The following FRY variants were observed in gnomAD, a reference collection of about 807,000 sequenced individuals.
FRY encodes FRY microtubule binding protein, also known as protein furry homolog.
Under a neutral mutation model 348.4 loss-of-function variants are expected in FRY, and 128 were observed. The ratio of observed to expected loss-of-function variants is 0.37; its 90% CI spans 0.32 to 0.43. The LOEUF is 0.43. FRY is among the 20% of genes least tolerant of loss of function. The pLI is 1.00. For missense variants in FRY, 2,736 were observed against 3,695.2 expected, an observed-to-expected ratio of 0.74 and a Z score of 6.73; for synonymous variants, 1,370 against 1,374.7, an observed-to-expected ratio of 1.00 and a Z score of 0.08.
chr13:32,112,059 G>T (rs888432089), intron 3 of FRY, among the ~76,000 whole-genome samples: 1 of 152,204 alleles, frequency 6.6e-6, no homozygotes, highest in Non-Finnish European at 1.5e-5. Flanking sequence ...AAACTAAGTT[G>T]CAAGGGTTCT....
chr13:32,254,046 G>A (rs1008063887), intron 50 of FRY, 178 bp from the exon 51 acceptor site: 13 of 650,072 alleles, frequency 2.0e-5, no homozygotes, highest in Admixed American at 5.3e-5. Flanking sequence ...TCTTTGCCAC[G>A]AGTTTAATCT....
At chr13:32,097,362 C>A (rs1404550134) in intron 2 of FRY, among the ~76,000 whole-genome samples, 1 of 126,494 alleles carries the variant, frequency 7.9e-6, no homozygotes, top group African/African-American at 3.0e-5. Context: ...CCTTTTTTTC[C>A]TTTTTTTTTT....
intron 13 of FRY, among the ~76,000 whole-genome samples, chr13:32,149,155 A>G (rs1880644047): frequency 6.7e-6 from 1 of 148,566 alleles, no homozygotes; most frequent in Non-Finnish European, 1.5e-5. Context: ...ATATTTTTAC[A>G]TATATTAATT....
chr13:32,184,201 A>T (rs1455353896), intron 24 of FRY, among the ~76,000 whole-genome samples: 1 of 152,202 alleles, frequency 6.6e-6, no homozygotes, highest in Non-Finnish European at 1.5e-5. Context: ...ATAAAATGTA[A>T]AAATAAAGAA....
At chr13:32,254,823 A>G (rs1405255451) in intron 51 of FRY, among the ~76,000 whole-genome samples, 1 of 152,234 alleles carries the variant, frequency 6.6e-6, no homozygotes, top group Non-Finnish European at 1.5e-5. Context: ...CTGCTACAAC[A>G]TGAGACCAGA....
chr13:32,290,252 A>G (rs571572015), intron 59 of FRY, among the ~76,000 whole-genome samples: 1 of 152,304 alleles, frequency 6.6e-6, no homozygotes, highest in Admixed American at 6.5e-5. Flanking sequence ...CTGCTGAGTG[A>G]GCCAAAATTT....
chr13:32,045,361 A>G (rs1015572244), intron 1 of FRY, among the ~76,000 whole-genome samples: 3 of 151,898 alleles, frequency 2.0e-5, no homozygotes, highest in South Asian at 2.1e-4. Context: ...GGTCTGCATC[A>G]CCTCCCATCT....
At chr13:32,101,752 AT>A (rs1283851129) in intron 2 of FRY, among the ~76,000 whole-genome samples, 1 of 152,178 alleles carries the variant, frequency 6.6e-6, no homozygotes, top group African/African-American at 2.4e-5. Flanking sequence ...ATGTATTAAG[AT>A]GAATAGCAAG....
At position 32,162,017 on chromosome 13, in the gene FRY, G is replaced by A. The variant is rs547923049; in HGVS notation, c.1892+766G>A. Among the ~76,000 whole-genome samples the A allele has an allele frequency of 8.5e-5, 13 of 152,252 alleles. No individual in the cohort carries two copies. The South Asian group carries it at 2.1e-3, about 24-fold the overall frequency. ...GAAAGCAAAATTATTAGACACGTGG[G>A]ATGTGTGGAATGAGGAAGAACAAAA... On this transcript the variant is annotated intron_variant, in intron 17 of 60. Transcript: ENST00000542859.
At chr13:32,102,824 A>T (rs1477448044) in intron 3 of FRY, among the ~76,000 whole-genome samples, 2 of 152,196 alleles carry the variant, frequency 1.3e-5, no homozygotes, top group East Asian at 3.9e-4. Flanking sequence ...GTTAATGACA[A>T]AAAGGACATT....
At chr13:32,225,061 C>A in intron 38 of FRY, 25 bp downstream of exon 38, 1 of 1,288,384 alleles carries the variant, frequency 7.8e-7, no homozygotes, top group Non-Finnish European at 1.1e-6. Flanking sequence ...AAAAGGCATT[C>A]TAGCCAATCG....
intron 60 of FRY, 109 bp downstream of exon 60, chr13:32,294,679 C>G: frequency 1.2e-6 from 1 of 827,394 alleles, no homozygotes; most frequent in African/African-American, 1.7e-5. Flanking sequence ...TTTTACAGAT[C>G]TCTTCTCAGA....
chr13:32,034,631 C>T (rs915478375), intron 1 of FRY, among the ~76,000 whole-genome samples: 18 of 152,206 alleles, frequency 1.2e-4, no homozygotes, highest in African/African-American at 4.3e-4. Context: ...CCTTGTTAAT[C>T]ATGGCCACAG....
At chr13:32,292,698 A>T (rs1000141237) in intron 59 of FRY, among the ~76,000 whole-genome samples, 3 of 152,012 alleles carry the variant, frequency 2.0e-5, no homozygotes, top group African/African-American at 7.2e-5. Flanking sequence ...AGGCTGAGGT[A>T]AGGGAATCAC....
At chr13:32,075,594 C>T (rs1048331519) in intron 1 of FRY, among the ~76,000 whole-genome samples, 1 of 152,162 alleles carries the variant, frequency 6.6e-6, no homozygotes, top group African/African-American at 2.4e-5. Flanking sequence ...CTAGTGTGGA[C>T]TTTGTGACTC....
intron 29 of FRY, among the ~76,000 whole-genome samples, chr13:32,200,937 C>A (rs1450089964): frequency 1.3e-5 from 2 of 152,086 alleles, no homozygotes; most frequent in Non-Finnish European, 2.9e-5. Flanking sequence ...CTTGTAATAG[C>A]TTCCACTCTT....
intron 51 of FRY, among the ~76,000 whole-genome samples, chr13:32,260,868 C>T (rs939068928): frequency 1.3e-5 from 2 of 152,094 alleles, no homozygotes; most frequent in East Asian, 3.8e-4. Context: ...TGGTGGCTCA[C>T]GCCTGTAATC....
intron 58 of FRY, among the ~76,000 whole-genome samples, chr13:32,285,269 A>G (rs978950175): frequency 6.6e-6 from 1 of 152,220 alleles, no homozygotes; most frequent in Admixed American, 6.5e-5. Flanking sequence ...GAATTTTAAT[A>G]ATTTCCATAA....
At chr13:32,097,203 C>T (rs1014589940) in intron 2 of FRY, among the ~76,000 whole-genome samples, 5 of 152,084 alleles carry the variant, frequency 3.3e-5, no homozygotes, top group Non-Finnish European at 7.4e-5. Flanking sequence ...TGTGCTCCCA[C>T]TATGTGAACT....
Sources: allele counts gnomAD v4.1 joint callset (sites outside exome capture counted in the v4.1 genomes callset), GRCh38; gene constraint gnomAD v4.1.1; transcripts MANE v1.5; gene names NCBI Gene and HGNC (gene_info 2026-07-23, HGNC 2026-07-21).